The following ZNF512 variants were observed in gnomAD, a reference collection of about 807,000 sequenced individuals.
The protein encoded by ZNF512 is zinc finger protein 512.
A neutral mutation model predicts 77.5 loss-of-function variants in ZNF512; 25 were observed. The ratio of observed to expected loss-of-function variants is 0.32; its 90% CI spans 0.23 to 0.45. The LOEUF is 0.45. Among genes scored for constraint, ZNF512 ranks in the 20% least tolerant of loss-of-function variants. The probability of loss-of-function intolerance (pLI) is 1.00; values close to 1 mark genes in which losing one functional copy is unlikely to be tolerated. For missense variants in ZNF512, 483 were observed against 692.6 expected (o/e 0.70, Z 3.40); for synonymous variants, 246 against 239.9 (o/e 1.03, Z -0.24).
chr2:27,606,875 A>G (rs1672388380), intron 9 of ZNF512, among the ~76,000 whole-genome samples: 2 of 152,152 alleles, frequency 1.3e-5, no homozygotes, highest in Non-Finnish European at 1.5e-5. Flanking sequence ...TTCTAGACTC[A>G]TTCAGATTGT....
chr2:27,589,957 A>C (rs1278423287), intron 2 of ZNF512, among the ~76,000 whole-genome samples: 1 of 152,184 alleles, frequency 6.6e-6, no homozygotes, highest in African/African-American at 2.4e-5. Flanking sequence ...AATAAAAGTT[A>C]AAGTTGATGG....
At chr2:27,591,104 A>G (rs1040844010) in intron 2 of ZNF512, among the ~76,000 whole-genome samples, 12 of 152,154 alleles carry the variant, frequency 7.9e-5, no homozygotes, top group African/African-American at 2.7e-4. Flanking sequence ...TGGTGCGGTC[A>G]TAGCTCACTG....
At chr2:27,610,635 T>C (rs74175068) in intron 10 of ZNF512, among the ~76,000 whole-genome samples, 32,826 of 124,168 alleles carry the variant, frequency 0.26, 5,001 homozygotes, top group East Asian at 0.48. Flanking sequence ...CAGGCTGGAG[T>C]GCTGGCGTGA....
chr2:27,603,984 TAG>T (rs1407217941), intron 9 of ZNF512, among the ~76,000 whole-genome samples: 1 of 152,124 alleles, frequency 6.6e-6, no homozygotes, highest in East Asian at 1.9e-4. Flanking sequence ...TGGAGTGCTG[TAG>T]AGCAATCTTG....
intron 2 of ZNF512, among the ~76,000 whole-genome samples, chr2:27,585,321 T>C (rs746852581): frequency 4.6e-5 from 7 of 152,230 alleles, no homozygotes; most frequent in Non-Finnish European, 1.5e-5. Flanking sequence ...AACATGATGT[T>C]TTCTTCCACA....
chr2:27,585,583 A>C (rs1355020175), intron 2 of ZNF512, among the ~76,000 whole-genome samples: 1 of 152,352 alleles, frequency 6.6e-6, no homozygotes, highest in Non-Finnish European at 1.5e-5. Context: ...ATCATGGAGA[A>C]CACTAGCTTT....
At chr2:27,617,772 C>T (rs1377558199) in intron 13 of ZNF512, among the ~76,000 whole-genome samples, 3 of 151,926 alleles carry the variant, frequency 2.0e-5, no homozygotes, top group Non-Finnish European at 4.4e-5. Flanking sequence ...GAGGGGTGGG[C>T]GGGGTGGCTT....
At chr2:27,617,411 C>T (rs774891997) in intron 12 of ZNF512, 62 bp from the exon 13 acceptor site, 2 of 779,396 alleles carry the variant, frequency 2.6e-6, no homozygotes, top group Non-Finnish European at 4.8e-6. Flanking sequence ...AATCCCTACA[C>T]ATAGCCCAGT....
In ZNF512 at chr2:27,621,689, T is replaced by C; in HGVS notation, c.*228T>C. ...TTCCTCGTCAAGTCCTCTTGTTTTT[T>C]TATCTTGCCCAAAGAGCTCCCTCTC... On this transcript the variant is annotated 3_prime_UTR_variant, in exon 14 of 14. Transcript: ENST00000355467. 1 of 467,918 alleles carries C rather than the reference T, an allele frequency of 2.1e-6. No homozygotes were observed. The highest frequency in any genetic ancestry group is 4.0e-5 in the East Asian group (1 of 24,696). 29.0% of individuals were successfully genotyped at this position (467,918 alleles called of 1,614,324 possible).
intron 10 of ZNF512, 91 bp downstream of exon 10, chr2:27,608,130 G>C (rs1672449903): frequency 1.7e-6 from 2 of 1,164,662 alleles, no homozygotes; most frequent in Non-Finnish European, 2.3e-6. Flanking sequence ...GAGGAAGTAC[G>C]TGATAGGCAG....
chr2:27,616,746 C>T (rs570882371), intron 12 of ZNF512, among the ~76,000 whole-genome samples: 90 of 152,254 alleles, frequency 5.9e-4, no homozygotes, highest in African/African-American at 1.9e-3. Flanking sequence ...ACTGGCCTCT[C>T]GGGATGGGAG....
At chr2:27,600,313 GA>G (rs1374873785) in intron 5 of ZNF512, among the ~76,000 whole-genome samples, 1 of 152,120 alleles carries the variant, frequency 6.6e-6, no homozygotes, top group African/African-American at 2.4e-5. Flanking sequence ...GAATTATTTT[GA>G]AAATTAAATG....
At chr2:27,606,374 T>A (rs1395115698) in intron 9 of ZNF512, among the ~76,000 whole-genome samples, 1 of 152,132 alleles carries the variant, frequency 6.6e-6, no homozygotes, top group Admixed American at 6.5e-5. Context: ...TTCTTTTTTT[T>A]TTTCTTGAGA....
intron 5 of ZNF512, among the ~76,000 whole-genome samples, chr2:27,600,417 T>G (rs1672067155): frequency 6.6e-6 from 1 of 152,188 alleles, no homozygotes; most frequent in South Asian, 2.1e-4. Flanking sequence ...CATCCTGTGG[T>G]GAAAAATGTT....
intron 10 of ZNF512, among the ~76,000 whole-genome samples, chr2:27,610,544 G>GTGTATATATATATATATATATATA (rs1413007886): frequency 9.2e-5 from 3 of 32,654 alleles, no homozygotes; most frequent in East Asian, 1.6e-3. Context: ...ATATGTGTGT[G>GTGTATATATATATATATATATATA]TATATATATA....
At position 27,583,648 on chromosome 2, in the gene ZNF512, G is replaced by A. The variant is rs754749966; in HGVS notation, c.31-10G>A. Reference sequence around the variant, plus strand: ...CCCTAGCACTCACTCGTGTGCTTGTGATTTGCTAGACTTCGGGACCCACAA... The same window carrying A: ...CCCTAGCACTCACTCGTGTGCTTGTAATTTGCTAGACTTCGGGACCCACAA... On this transcript the variant is annotated splice_polypyrimidine_tract_variant and intron_variant, in intron 1 of 13. Coordinates refer to ENST00000355467, the MANE Select transcript of ZNF512 (RefSeq NM_032434.4). The A allele has an allele frequency of 1.2e-6, 2 of 1,614,090 alleles. No individual in the cohort carries two copies. Among genetic ancestry groups the A allele is most frequent in the Admixed American group, 1.7e-5 (1 of 59,990 alleles).
At chr2:27,606,346 C>T (rs531861214) in intron 9 of ZNF512, among the ~76,000 whole-genome samples, 5 of 151,446 alleles carry the variant, frequency 3.3e-5, no homozygotes, top group African/African-American at 9.7e-5. Flanking sequence ...CTTTGCTTAA[C>T]TCAATGTATA....
At chr2:27,591,362 C>T (rs1465524811) in intron 2 of ZNF512, among the ~76,000 whole-genome samples, 1 of 152,126 alleles carries the variant, frequency 6.6e-6, no homozygotes, top group African/African-American at 2.4e-5. Flanking sequence ...GTGTTATAGA[C>T]AATCCAATTA....
intron 2 of ZNF512, among the ~76,000 whole-genome samples, chr2:27,586,334 A>G (rs1361987727): frequency 6.6e-6 from 1 of 151,958 alleles, no homozygotes; most frequent in Non-Finnish European, 1.5e-5. Flanking sequence ...GGTTCAAGCA[A>G]TTCTCCTGCC....
Sources: allele counts gnomAD v4.1 joint callset (sites outside exome capture counted in the v4.1 genomes callset), GRCh38; gene constraint gnomAD v4.1.1; transcripts MANE v1.5; gene names NCBI Gene and HGNC (gene_info 2026-07-23, HGNC 2026-07-21).